The following CDH18 variants were observed in gnomAD, a reference collection of about 807,000 sequenced individuals.
CDH18 encodes cadherin-18.
Under a neutral mutation model 67.9 loss-of-function variants are expected in CDH18, and 31 were observed. The observed-to-expected ratio is 0.46, with a 90% CI of 0.34 to 0.62. The LOEUF (loss-of-function observed/expected upper bound fraction) is 0.62, where lower values mean the gene tolerates loss of function less well. Among genes scored for constraint, CDH18 ranks in the 20% least tolerant of loss-of-function variants. The pLI is 0.01. For missense variants in CDH18, 890 were observed against 975.5 expected, an observed-to-expected ratio of 0.91 and a Z score of 1.17; for synonymous variants, 362 against 347.2, an observed-to-expected ratio of 1.04 and a Z score of -0.48.
intron 1 of CDH18, among the ~76,000 whole-genome samples, chr5:20,277,816 A>T (rs1745921059): frequency 6.6e-6 from 1 of 152,144 alleles, no homozygotes; most frequent in Non-Finnish European, 1.5e-5. Context: ...TAACAAAGAG[A>T]TTTAAATGAT....
chr5:20,450,752 C>A (rs1750382086), intron 1 of CDH18, among the ~76,000 whole-genome samples: 1 of 152,256 alleles, frequency 6.6e-6, no homozygotes, highest in African/African-American at 2.4e-5. Flanking sequence ...TATGAAAAAA[C>A]TCATTGCATT....
intron 2 of CDH18, among the ~76,000 whole-genome samples, chr5:19,917,099 T>C (rs1031510861): frequency 2.7e-4 from 41 of 152,340 alleles, no homozygotes; most frequent in African/African-American, 9.4e-4. Flanking sequence ...TTCATTTTAC[T>C]AGTTTCATGA....
At chr5:19,856,697 G>C (rs1423996193) in intron 2 of CDH18, among the ~76,000 whole-genome samples, 1 of 123,546 alleles carries the variant, frequency 8.1e-6, no homozygotes, top group Non-Finnish European at 1.8e-5. Context: ...TCTATGTAAA[G>C]AGGCAGCAAA....
At chr5:19,546,127 G>T (rs1736280595) in intron 8 of CDH18, among the ~76,000 whole-genome samples, 1 of 152,012 alleles carries the variant, frequency 6.6e-6, no homozygotes, top group African/African-American at 2.4e-5. Flanking sequence ...GTTAGTGAGG[G>T]TTAATTGGAT....
At chr5:19,999,229 C>A (rs544514294) in intron 2 of CDH18, among the ~76,000 whole-genome samples, 97 of 152,168 alleles carry the variant, frequency 6.4e-4, no homozygotes, top group Non-Finnish European at 1.0e-3. Context: ...CACACACACA[C>A]ACACACACGC....
At chr5:19,920,832 C>T (rs1792354190) in intron 2 of CDH18, among the ~76,000 whole-genome samples, 1 of 150,918 alleles carries the variant, frequency 6.6e-6, no homozygotes, top group Admixed American at 6.6e-5. Flanking sequence ...TTACTTTTCT[C>T]ATCTCTGAAA....
intron 2 of CDH18, among the ~76,000 whole-genome samples, chr5:19,963,334 A>T (rs1452840106): frequency 6.6e-6 from 1 of 152,068 alleles, no homozygotes; most frequent in Non-Finnish European, 1.5e-5. Flanking sequence ...CTGCTCTCAC[A>T]CTGCTATAAA....
chr5:19,817,844 C>T (rs2149929041), intron 3 of CDH18, among the ~76,000 whole-genome samples: 1 of 152,138 alleles, frequency 6.6e-6, no homozygotes, highest in East Asian at 1.9e-4. Context: ...ATTTGTGAGT[C>T]CTACTCCCTC....
chr5:20,386,533 A>G (rs1350180258), intron 1 of CDH18, among the ~76,000 whole-genome samples: 3 of 152,172 alleles, frequency 2.0e-5, no homozygotes, highest in Non-Finnish European at 4.4e-5. Context: ...CATTACTAAT[A>G]TATCCACATA....
At chr5:20,210,880 T>A (rs1324212218) in intron 2 of CDH18, among the ~76,000 whole-genome samples, 1 of 152,098 alleles carries the variant, frequency 6.6e-6, no homozygotes, top group Admixed American at 6.6e-5. Context: ...TAATGACTAC[T>A]ACATTTTTAT....
At chr5:20,516,297 A>C (rs1483828567) in intron 1 of CDH18, among the ~76,000 whole-genome samples, 1 of 152,024 alleles carries the variant, frequency 6.6e-6, no homozygotes, top group African/African-American at 2.4e-5. Flanking sequence ...GCATAGGAGA[A>C]CAAGAGGTTT....
Position 20,255,910 on chromosome 5 carries a change from T to C in CDH18, c.-579-405A>G, listed in dbSNP as rs542276457. 1.0e-3 allele frequency among the ~76,000 whole-genome samples: 155 copies of C among 148,694 alleles called. 1 individual carries two copies. The highest frequency in any genetic ancestry group is 3.6e-3 in the African/African-American group (149 of 41,052). ...TTTTATATAATATTAAATGTTTATG[T>C]TATTTTAATAACTTTAATGTTTTAT... On this transcript the variant is annotated intron_variant, in intron 1 of 14. Transcript: ENST00000507958.
At chr5:20,332,079 T>A (rs542408774) in intron 1 of CDH18, among the ~76,000 whole-genome samples, 15 of 152,328 alleles carry the variant, frequency 9.8e-5, no homozygotes, top group African/African-American at 3.1e-4. Flanking sequence ...GCCCTTTATG[T>A]GGCATACTTA....
chr5:20,277,281 C>A (rs1438552107), intron 1 of CDH18, among the ~76,000 whole-genome samples: 1 of 152,020 alleles, frequency 6.6e-6, no homozygotes, highest in African/African-American at 2.4e-5. Flanking sequence ...TCAACCCTCC[C>A]CCAACTCAAG....
intron 2 of CDH18, among the ~76,000 whole-genome samples, chr5:19,866,693 A>T (rs555463446): frequency 6.6e-6 from 1 of 152,278 alleles, no homozygotes; most frequent in South Asian, 2.1e-4. Context: ...TCAACCTGGC[A>T]CAATGATTAA....
chr5:20,406,400 A>T (rs1746255632), intron 1 of CDH18, among the ~76,000 whole-genome samples: 1 of 150,514 alleles, frequency 6.6e-6, no homozygotes, highest in Non-Finnish European at 1.5e-5. Context: ...ACCTGGACAC[A>T]GGAAGGGGAC....
chr5:20,366,970 C>T (rs1742570108), intron 1 of CDH18, among the ~76,000 whole-genome samples: 1 of 152,010 alleles, frequency 6.6e-6, no homozygotes, highest in Admixed American at 6.6e-5. Flanking sequence ...AGTGTATGCC[C>T]ACTGGCTTCT....
chr5:19,528,443 A>T (rs543783574), intron 9 of CDH18, among the ~76,000 whole-genome samples: 1 of 151,672 alleles, frequency 6.6e-6, no homozygotes, highest in Admixed American at 6.6e-5. Flanking sequence ...CAACATCAAA[A>T]ATAATAATGT....
chr5:19,559,512 G>T (rs1454801500), intron 8 of CDH18, among the ~76,000 whole-genome samples: 2 of 151,994 alleles, frequency 1.3e-5, no homozygotes, highest in African/African-American at 2.4e-5. Flanking sequence ...AAACACCAAA[G>T]AAGGGGCATA....
Sources: allele counts gnomAD v4.1 joint callset (sites outside exome capture counted in the v4.1 genomes callset), GRCh38; gene constraint gnomAD v4.1.1; transcripts MANE v1.5; gene names NCBI Gene and HGNC (gene_info 2026-07-23, HGNC 2026-07-21).